The following NCOA4 variants were observed in gnomAD, a reference collection of about 807,000 sequenced individuals.
The protein encoded by NCOA4 is nuclear receptor coactivator 4.
Under a neutral mutation model 69.5 loss-of-function variants are expected in NCOA4, and 31 were observed. That is an observed-to-expected ratio of 0.45 (90% CI 0.34 to 0.60). NCOA4 has a LOEUF of 0.60. Ranked by LOEUF, NCOA4 falls within the 20% of genes least tolerant of loss-of-function variation. NCOA4 has a pLI of 0.02. For synonymous variants in NCOA4, 228 were observed against 252.4 expected, an observed-to-expected ratio of 0.90 and a Z score of 0.92; for missense variants, 600 against 719.2, an observed-to-expected ratio of 0.83 and a Z score of 1.90.
chr10:46,027,164 G>A (rs1196655827), intron 1 of NCOA4, among the ~76,000 whole-genome samples: 1 of 150,958 alleles, frequency 6.6e-6, no homozygotes, highest in Non-Finnish European at 1.5e-5. Flanking sequence ...CCAGCTACTC[G>A]GGAGGCTGAG....
At chr10:46,027,357 A>T in intron 1 of NCOA4, 8 of 1,344,190 alleles carry the variant, frequency 6.0e-6, no homozygotes, top group Non-Finnish European at 8.3e-6. Context: ...ATGATTTAAC[A>T]ATCAAAGAAG....
At chr10:46,012,284 CA>C (rs1264376225) in intron 7 of NCOA4, among the ~76,000 whole-genome samples, 1 of 151,944 alleles carries the variant, frequency 6.6e-6, no homozygotes, top group East Asian at 1.9e-4. Context: ...CCTGGGAAGC[CA>C]AATTGGCAAT....
intron 6 of NCOA4, among the ~76,000 whole-genome samples, chr10:46,013,344 ATTAC>A (rs1286743927): frequency 6.6e-6 from 1 of 152,188 alleles, no homozygotes; most frequent in Admixed American, 6.5e-5. Context: ...CTGATTGATA[ATTAC>A]TTTTTCTGTT....
Position 46,009,443 on chromosome 10 carries a change from TATC to T in NCOA4, c.1804_1806del (p.Asp602del), listed in dbSNP as rs1554920567. The T allele has an allele frequency of 1.2e-6, 2 of 1,613,012 alleles. No individual in the cohort carries two copies. The highest frequency in any genetic ancestry group is 3.3e-5 in the Admixed American group (2 of 59,954). On this transcript the variant is annotated inframe_deletion, in exon 9 of 10. Coordinates refer to ENST00000581486, the MANE Select transcript of NCOA4 (RefSeq NM_001145263.2). ...GGAGTTCGATATAACCACTTCTCTT[TATC>T]AACTTTAAGCTGCATACAGGCAAAG...
At chr10:46,011,466 G>C (rs576359661) in intron 7 of NCOA4, among the ~76,000 whole-genome samples, 1 of 150,584 alleles carries the variant, frequency 6.6e-6, no homozygotes, top group African/African-American at 2.4e-5. Flanking sequence ...TAGTAGAGAC[G>C]GGGTTTCACC....
intron 1 of NCOA4, among the ~76,000 whole-genome samples, chr10:46,021,022 C>T (rs149910901): frequency 3.3e-4 from 51 of 152,260 alleles, no homozygotes; most frequent in Non-Finnish European, 5.4e-4. Flanking sequence ...ACCCTTCAAA[C>T]GAATAACAAA....
chr10:46,015,367 TG>T (rs1163903563), intron 2 of NCOA4, 101 bp from the exon 3 acceptor site: 32 of 274,684 alleles, frequency 1.2e-4, no homozygotes, highest in Non-Finnish European at 1.1e-4. Context: ...GGGGTGGGGT[TG>T]GGGGGACCAC....
In NCOA4 at chr10:46,009,227, A is replaced by C. The variant is rs782461655; in HGVS notation, c.1839+184T>G. 7.8e-6 allele frequency: 12 copies of C among 1,538,956 alleles called. No individual in the cohort carries two copies. In the African/African-American group the frequency reaches 1.1e-4, roughly 14 times the overall value. On this transcript the variant is annotated intron_variant, in intron 9 of 9. Transcript: ENST00000581486. ...TTGAAGTATGCCTAGTTAGTTAATA[A>C]AGCAAATTCAATTAAAATACATCAA... is the stretch of plus-strand genomic sequence containing the variant.
intron 7 of NCOA4, among the ~76,000 whole-genome samples, chr10:46,012,070 GAAAAAAAAAAAAAAAAAAAAAA>G (rs71026286): frequency 4.5e-5 from 2 of 44,524 alleles, no homozygotes; most frequent in South Asian, 1.0e-3. Context: ...CAAAAAGAAA[GAAAAAAAAAAAAAAAAAAAAAA>G]AAAAAAAAAA....
At chr10:46,029,436 T>G (rs182045296) in intron 1 of NCOA4, among the ~76,000 whole-genome samples, 36 of 152,312 alleles carry the variant, frequency 2.4e-4, no homozygotes, top group Admixed American at 1.6e-3. Flanking sequence ...TCAAACGGTC[T>G]CAAGTACTTT....
chr10:46,010,815 A>G lies in NCOA4; in HGVS notation c.1106T>C (p.Leu369Pro). 1.9e-6 allele frequency: 3 copies of G among 1,613,934 alleles called. No individual in the cohort carries two copies. Among genetic ancestry groups the G allele is most frequent in the Non-Finnish European group, 2.5e-6 (3 of 1,179,860 alleles). The change falls in exon 8 of 10, where the codon CTG (leucine) becomes CCG (proline). Residue 369 changes from leucine (L) to proline (P), a missense_variant. Physicochemically the swap from Leu to Pro is moderately conservative, Grantham distance 98. Coordinates refer to ENST00000581486, the MANE Select transcript of NCOA4 (RefSeq NM_001145263.2). Reference sequence around the variant, plus strand: ...TTTCTTGGCCTCCAAGTGGTCATTCAGGCACTTCAGATTGCCCAGGTTTTC... The same window carrying G: ...TTTCTTGGCCTCCAAGTGGTCATTCGGGCACTTCAGATTGCCCAGGTTTTC... Reference protein sequence around the residue: ...EIENLGNLKCLNDHLEAKKPL... With the variant: ...EIENLGNLKCPNDHLEAKKPL...
rs781880566 is a variant in NCOA4, at chr10:46,010,668, C to T, written c.1253G>A (p.Cys418Tyr). The T allele has an allele frequency of 1.2e-6, 2 of 1,614,172 alleles. No homozygotes were observed. The highest frequency in any genetic ancestry group is 1.7e-5 in the Admixed American group (1 of 60,010). The change falls in exon 8 of 10, where the codon TGT becomes TAT. Residue 418 changes from cysteine to tyrosine, a missense_variant. Transcript: ENST00000581486. Reference sequence around the variant, plus strand: ...AGCCTCCTTCTCACAATTCTCATCACACACACACTCTGCAAAGCTTGTGCA... The same window carrying T: ...AGCCTCCTTCTCACAATTCTCATCATACACACACTCTGCAAAGCTTGTGCA... ...EPCTSFAECV[C>Y]DENCEKEALY... is the part of the protein sequence containing the mutation.
At chr10:46,019,276 A>C (rs1356334528) in intron 1 of NCOA4, 1 of 960,452 alleles carries the variant, frequency 1.0e-6, no homozygotes, top group Non-Finnish European at 1.2e-6. Flanking sequence ...GTTAGGCAGA[A>C]GCATTAGTGT....
chr10:46,008,841 G>A (rs1177188825), intron 9 of NCOA4, among the ~76,000 whole-genome samples: 1 of 152,194 alleles, frequency 6.6e-6, no homozygotes, highest in Non-Finnish European at 1.5e-5. Flanking sequence ...CCTTCAAGCA[G>A]CTACCATCCT....
chr10:46,016,571 GC>G lies in NCOA4; in HGVS notation c.109del (p.Ala37LeufsTer20). 1 of 1,550,590 alleles carries G rather than the reference GC, an allele frequency of 6.4e-7. No individual in the cohort carries two copies. Among genetic ancestry groups the G allele is most frequent in the Non-Finnish European group, 8.8e-7 (1 of 1,141,484 alleles). On this transcript the variant is annotated frameshift_variant, in exon 2 of 10. Transcript: ENST00000581486. LOFTEE classifies it high-confidence loss of function. ...LELAIGGVLR[A>X]EQQIKDNLRE... Reference sequence around the variant, plus strand: ...CAAGTTATCTTTAATTTGCTGTTCAGCCCGGAGAACTCCACCAATAGCAAGC... The same window carrying G: ...CAAGTTATCTTTAATTTGCTGTTCAGCCGGAGAACTCCACCAATAGCAAGC...
At chr10:46,025,293 G>A (rs559615408) in intron 1 of NCOA4, among the ~76,000 whole-genome samples, 1 of 152,202 alleles carries the variant, frequency 6.6e-6, no homozygotes, top group Non-Finnish European at 1.5e-5. Context: ...CCTTTTCAAT[G>A]TTTTTGTTCT....
rs782465350 is a variant in NCOA4, at chr10:46,014,932, T to A, written c.293A>T (p.Gln98Leu). The stretch of plus-strand genomic sequence containing the variant: ...CAGTTGATGAGTAAGACAATTGAAC[T>A]GGCCCAATAACTAAAAGAAAAATGA... ...QAQQLYSLLG[Q>L]FNCLTHQLEC... The change falls in exon 4 of 10, where the codon CAG (glutamine) becomes CTG (leucine). Residue 98 changes from glutamine (Q) to leucine (L), a missense_variant. Coordinates refer to ENST00000581486, the MANE Select transcript of NCOA4 (RefSeq NM_001145263.2). 1 of 1,613,818 alleles carries A rather than the reference T, an allele frequency of 6.2e-7. No individual in the cohort carries two copies. The highest frequency in any genetic ancestry group is 8.5e-7 in the Non-Finnish European group (1 of 1,179,876).
At chr10:46,023,455 G>T in intron 1 of NCOA4, 1 of 985,698 alleles carries the variant, frequency 1.0e-6, no homozygotes, top group Non-Finnish European at 1.2e-6. Flanking sequence ...GGCAACTCCA[G>T]TTCGCCCGGG....
chr10:46,027,679 T>A (rs972268718), intron 1 of NCOA4, among the ~76,000 whole-genome samples: 2 of 152,246 alleles, frequency 1.3e-5, no homozygotes, highest in Non-Finnish European at 2.9e-5. Flanking sequence ...GGTTGGGTGG[T>A]CTGTTATCGA....
Sources: gnomAD v4.1 joint callset for allele counts (sites outside exome capture counted in the v4.1 genomes callset) on GRCh38, gnomAD v4.1.1 for gene constraint, MANE v1.5 for transcripts, NCBI Gene and HGNC (gene_info 2026-07-23, HGNC 2026-07-21) for gene names.